The following TXNDC12 variants were observed in gnomAD, a reference collection of about 807,000 sequenced individuals.
TXNDC12 encodes thioredoxin domain-containing protein 12.
TXNDC12 carries 22 observed loss-of-function variants against 24.2 expected under a neutral mutation model. The observed-to-expected ratio is 0.91, with a 90% CI of 0.65 to 1.30. The LOEUF is 1.30. TXNDC12 is among the 50% of genes most tolerant of loss of function. The pLI, the probability that TXNDC12 is intolerant of heterozygous loss-of-function variation, is 0.00. For synonymous variants in TXNDC12, 58 were observed against 73.4 expected (o/e 0.79, Z 1.07); for missense variants, 184 against 205.8 (o/e 0.89, Z 0.65).
At chr1:52,038,003 C>A (rs1244772985) in intron 2 of TXNDC12, among the ~76,000 whole-genome samples, 1 of 151,998 alleles carries the variant, frequency 6.6e-6, no homozygotes, top group Non-Finnish European at 1.5e-5. Context: ...TCATGGCTAA[C>A]TGCAGCCTCA....
intron 2 of TXNDC12, chr1:52,033,665 A>T: frequency 6.2e-7 from 1 of 1,611,176 alleles, no homozygotes; most frequent in Non-Finnish European, 8.5e-7. Context: ...TCCACCACGT[A>T]CACCGCGCGG....
At chr1:52,030,727 G>A (rs1685739112) in intron 2 of TXNDC12, among the ~76,000 whole-genome samples, 1 of 152,214 alleles carries the variant, frequency 6.6e-6, no homozygotes, top group Admixed American at 6.5e-5. Flanking sequence ...TTCTAGAGCA[G>A]GGGTTGGCAA....
At chr1:52,026,914 T>C (rs186433304) in intron 4 of TXNDC12, among the ~76,000 whole-genome samples, 149 of 152,126 alleles carry the variant, frequency 9.8e-4, no homozygotes, top group African/African-American at 3.4e-3. Context: ...TGCATGCCTG[T>C]AGTCCCAACC....
chr1:52,040,769 A>T (rs901961065), intron 2 of TXNDC12, among the ~76,000 whole-genome samples: 1 of 149,476 alleles, frequency 6.7e-6, no homozygotes, highest in Non-Finnish European at 1.5e-5. Flanking sequence ...GGTGGCTCAC[A>T]TCTGTAATCC....
chr1:52,049,294 T>C (rs1686155260), intron 1 of TXNDC12, among the ~76,000 whole-genome samples: 1 of 152,174 alleles, frequency 6.6e-6, no homozygotes, highest in African/African-American at 2.4e-5. Flanking sequence ...AGAGTAAGTC[T>C]AGAGGTATAA....
chr1:52,027,355 G>C lies in TXNDC12; in HGVS notation c.212-7C>G. The stretch of plus-strand genomic sequence containing the variant: ...GCAAATTTGGGCTTTAGAGCTGGGG[G>C]GAAAAAGATTTTGGAATAGAAGAAA... On this transcript the variant is annotated splice_region_variant and splice_polypyrimidine_tract_variant and intron_variant, in intron 3 of 6. Coordinates refer to ENST00000371626, the MANE Select transcript of TXNDC12 (RefSeq NM_015913.4). 6.2e-7 allele frequency: 1 copy of C among 1,605,254 alleles called. No homozygotes were observed. Among genetic ancestry groups the C allele is most frequent in the Non-Finnish European group, 8.5e-7 (1 of 1,173,232 alleles).
At chr1:52,030,539 C>T (rs995727603) in intron 2 of TXNDC12, 2 of 152,200 alleles carry the variant, frequency 1.3e-5, no homozygotes, top group Admixed American at 6.5e-5. Flanking sequence ...TTCCATTTCA[C>T]ACATGAATCC....
At chr1:52,049,695 A>T (rs1388036839) in intron 1 of TXNDC12, among the ~76,000 whole-genome samples, 3 of 151,786 alleles carry the variant, frequency 2.0e-5, no homozygotes, top group African/African-American at 7.3e-5. Flanking sequence ...CCACTTATTA[A>T]GCAATTGCAT....
intron 2 of TXNDC12, chr1:52,030,680 GCTTT>G (rs1685738611): frequency 6.6e-6 from 1 of 152,162 alleles, no homozygotes; most frequent in Non-Finnish European, 1.5e-5. Flanking sequence ...CGAATGTCTT[GCTTT>G]CTCTTTTCTC....
In TXNDC12 at chr1:52,020,154, G is replaced by A. The variant is rs1263865155; in HGVS notation, c.*779C>T. 5.6e-6 allele frequency: 1 copy of A among 179,442 alleles called. No individual in the cohort carries two copies. The highest frequency in any genetic ancestry group is 6.1e-5 in the Admixed American group (1 of 16,490). The allele number at this position is 179,442 out of a possible 1,614,324, so 11.1% of individuals were successfully genotyped here. On this transcript the variant is annotated 3_prime_UTR_variant, in exon 7 of 7. Coordinates refer to ENST00000371626, the MANE Select transcript of TXNDC12 (RefSeq NM_015913.4). ...CATTTCCTTTTAAAGTTTTATTAAA[G>A]TTTAATGGTACAATATTTTATCTCT...
chr1:52,028,606 A>T lies in TXNDC12; in HGVS notation c.183T>A (p.Ile61=), dbSNP rs1324158409. Reference sequence around the variant, plus strand: ...TGCAAGCTCCACACCAGGATTTATGAATAATCACCATCAGGGGCAGTCCAC... The same window carrying T: ...TGCAAGCTCCACACCAGGATTTATGTATAATCACCATCAGGGGCAGTCCAC... ...AASGLPLMVI[I]HKSWCGACKA... is the part of the protein sequence containing the mutation. Residue 61 remains isoleucine (I), a synonymous_variant, in exon 3 of 7, where the codon ATT becomes ATA. Transcript: ENST00000371626. The T allele has an allele frequency of 6.2e-7, 1 of 1,613,136 alleles. No individual in the cohort carries two copies. Among genetic ancestry groups the T allele is most frequent in the Admixed American group, 1.7e-5 (1 of 59,868 alleles).
Position 52,021,031 on chromosome 1 carries a change from A to T in TXNDC12, c.440-19T>A. 6.3e-7 allele frequency: 1 copy of T among 1,589,664 alleles called. No homozygotes were observed. Among genetic ancestry groups the T allele is most frequent in the Non-Finnish European group, 8.6e-7 (1 of 1,157,774 alleles). The stretch of plus-strand genomic sequence containing the variant: ...TGAACAACTGTGAAATAAAGATTGG[A>T]GGAAAAAAGTATGAAGTAAGTAATG... On this transcript the variant is annotated intron_variant, in intron 6 of 6. Transcript: ENST00000371626.
chr1:52,020,319 G>T lies in TXNDC12; in HGVS notation c.*614C>A. Reference sequence around the variant, plus strand: ...GGAGCCGAGTCCAAGCACACAGCCAGTCCTGCACACGCATGCGTGCAAACA... The same window carrying T: ...GGAGCCGAGTCCAAGCACACAGCCATTCCTGCACACGCATGCGTGCAAACA... On this transcript the variant is annotated 3_prime_UTR_variant, in exon 7 of 7. Coordinates refer to ENST00000371626, the MANE Select transcript of TXNDC12 (RefSeq NM_015913.4). 2.4e-6 allele frequency: 1 copy of T among 412,422 alleles called. No individual in the cohort carries two copies. The highest frequency in any genetic ancestry group is 4.7e-6 in the Non-Finnish European group (1 of 210,662). 25.5% of individuals were successfully genotyped at this position (412,422 alleles called of 1,614,324 possible). A position where few individuals can be genotyped will look rare whatever the true frequency, so the allele number is the denominator to read the frequency against.
chr1:52,032,740 A>G, intron 2 of TXNDC12: 2 of 1,613,754 alleles, frequency 1.2e-6, no homozygotes, highest in Non-Finnish European at 1.7e-6. Context: ...CATGTTGGCC[A>G]GTTGCGGCAA....
upstream of TXNDC12, chr1:52,055,612 A>G (rs1350860445): frequency 1.9e-5 from 3 of 158,986 alleles, no homozygotes; most frequent in African/African-American, 7.2e-5. Context: ...ACTGGATTTC[A>G]TTGTTAGGTT....
intron 2 of TXNDC12, among the ~76,000 whole-genome samples, chr1:52,038,315 GTTT>G (rs34437108): frequency 1.4e-5 from 2 of 141,510 alleles, no homozygotes; most frequent in African/African-American, 2.6e-5. Context: ...CCTGTATCTT[GTTT>G]TTTTTTTTTT....
intron 2 of TXNDC12, among the ~76,000 whole-genome samples, chr1:52,035,846 T>C (rs574268094): frequency 6.6e-6 from 1 of 152,344 alleles, no homozygotes; most frequent in Admixed American, 6.5e-5. Context: ...TTCAACTTGA[T>C]TCTAGCAGGC....
rs757113394 is a variant in TXNDC12 at position 52,041,527 on chromosome 1, T to C, written c.158+10A>G. 4.4e-6 allele frequency: 7 copies of C among 1,604,120 alleles called. No individual in the cohort carries two copies. In the East Asian group the frequency reaches 8.9e-5, roughly 20 times the overall value. On this transcript the variant is annotated intron_variant, in intron 2 of 6. Coordinates refer to ENST00000371626, the MANE Select transcript of TXNDC12 (RefSeq NM_015913.4). The stretch of plus-strand genomic sequence containing the variant: ...TACCACCATAAATGACCTAAAACCA[T>C]GTCTTGTACCTGGCAGCTGCTTCTT...
intron 1 of TXNDC12, chr1:52,051,847 C>CA (rs1459622524): frequency 5.9e-6 from 1 of 169,276 alleles, no homozygotes; most frequent in Non-Finnish European, 1.5e-5. Context: ...ACCATTGCCT[C>CA]AGGTAGCACT....
Sources: allele counts gnomAD v4.1 joint callset (sites outside exome capture counted in the v4.1 genomes callset), GRCh38; gene constraint gnomAD v4.1.1; transcripts MANE v1.5; gene names NCBI Gene and HGNC (gene_info 2026-07-23, HGNC 2026-07-21).